STK32B: variants seen among roughly 807,000 people sequenced by gnomAD.
The protein encoded by STK32B is serine/threonine kinase 32B.
STK32B carries 43 observed loss-of-function variants against 52.6 expected under a neutral mutation model. The ratio of observed to expected loss-of-function variants is 0.82; its 90% CI spans 0.64 to 1.05. STK32B has a LOEUF of 1.05. STK32B is among the 50% of genes least tolerant of loss of function. The pLI, the probability that STK32B is intolerant of heterozygous loss-of-function variation, is 0.00. For missense variants in STK32B, 621 were observed against 534.6 expected (o/e 1.16, Z -1.59); for synonymous variants, 238 against 204.3 (o/e 1.17, Z -1.41).
At chr4:5,338,033 A>C (rs1197978023) in intron 4 of STK32B, among the ~76,000 whole-genome samples, 1 of 152,196 alleles carries the variant, frequency 6.6e-6, no homozygotes, top group African/African-American at 2.4e-5. Context: ...ATTTAGAGAT[A>C]AGGAGTTAGA....
intron 11 of STK32B, among the ~76,000 whole-genome samples, chr4:5,472,817 T>C (rs928330397): frequency 1.3e-5 from 2 of 152,222 alleles, no homozygotes; most frequent in African/African-American, 4.8e-5. Flanking sequence ...TGTATGTGAC[T>C]TTATGGTTTT....
intron 3 of STK32B, among the ~76,000 whole-genome samples, chr4:5,268,917 A>C (rs1727231598): frequency 1.3e-5 from 2 of 152,176 alleles, no homozygotes; most frequent in Admixed American, 1.3e-4. Context: ...AACAGAGGAC[A>C]GTGATCCCTG....
chr4:5,161,229 C>A (rs1441069456), intron 2 of STK32B, among the ~76,000 whole-genome samples: 1 of 152,132 alleles, frequency 6.6e-6, no homozygotes, highest in Non-Finnish European at 1.5e-5. Flanking sequence ...TTGATCCCTC[C>A]AATGAGACCA....
intron 4 of STK32B, among the ~76,000 whole-genome samples, chr4:5,334,252 A>C (rs1044142540): frequency 6.0e-5 from 9 of 151,110 alleles, no homozygotes; most frequent in African/African-American, 1.7e-4. Flanking sequence ...GTGAATGGGA[A>C]TTCACTCATG....
chr4:5,136,031 G>A (rs1023430809), intron 1 of STK32B, among the ~76,000 whole-genome samples: 1 of 152,036 alleles, frequency 6.6e-6, no homozygotes, highest in African/African-American at 2.4e-5. Flanking sequence ...AAATTCAGGA[G>A]GTGAATTCAG....
chr4:5,049,130 A>T (rs13114467), upstream of STK32B, among the ~76,000 whole-genome samples: 150,377 of 152,316 alleles, frequency 0.99, 74,272 homozygotes, highest in East Asian at 1. Flanking sequence ...TTCTTCTTCC[A>T]ACCCGGTTGA....
intron 1 of STK32B, among the ~76,000 whole-genome samples, chr4:5,106,740 A>G (rs1714130219): frequency 6.6e-6 from 1 of 152,078 alleles, no homozygotes; most frequent in African/African-American, 2.4e-5. Context: ...CTCTCTTTAA[A>G]TATTGCTTTT....
the STK32B span, among the ~76,000 whole-genome samples, chr4:5,029,450 G>T: frequency 4.6e-5 from 7 of 152,164 alleles, no homozygotes; most frequent in African/African-American, 1.7e-4. Context: ...GACAGTGGAG[G>T]GAGACACAAG....
intron 4 of STK32B, among the ~76,000 whole-genome samples, chr4:5,342,485 T>G (rs989742935): frequency 9.2e-5 from 14 of 152,096 alleles, no homozygotes; most frequent in African/African-American, 3.4e-4. Flanking sequence ...TCACTCATGG[T>G]TGGGAACTGA....
chr4:5,205,228 C>T (rs908448664), intron 3 of STK32B, among the ~76,000 whole-genome samples: 3 of 151,978 alleles, frequency 2.0e-5, no homozygotes, highest in Admixed American at 6.6e-5. Flanking sequence ...GGACTTATGT[C>T]GTTGCCTCTC....
intron 11 of STK32B, among the ~76,000 whole-genome samples, chr4:5,493,498 T>TATCA (rs1719929196): frequency 6.6e-6 from 1 of 152,224 alleles, no homozygotes. Context: ...CCTAGCAGTC[T>TATCA]ATCAATTTTG....
intron 11 of STK32B, among the ~76,000 whole-genome samples, chr4:5,474,690 C>T (rs545706583): frequency 1.3e-5 from 2 of 152,190 alleles, no homozygotes; most frequent in African/African-American, 4.8e-5. Context: ...ATAGAAAAGG[C>T]AGTTAACAGT....
intron 3 of STK32B, among the ~76,000 whole-genome samples, chr4:5,262,453 G>C (rs768341556): frequency 6.8e-6 from 1 of 146,602 alleles, no homozygotes; most frequent in Non-Finnish European, 1.5e-5. Context: ...GTGAAACCCC[G>C]TCTCTACTAA....
chr4:5,341,967 G>A (rs1733110878), intron 4 of STK32B, among the ~76,000 whole-genome samples: 1 of 152,038 alleles, frequency 6.6e-6, no homozygotes, highest in Non-Finnish European at 1.5e-5. Flanking sequence ...TTTACATTAG[G>A]TATTTCTCCT....
chr4:5,403,545 C>A (rs527408330), intron 5 of STK32B, among the ~76,000 whole-genome samples: 1 of 152,300 alleles, frequency 6.6e-6, no homozygotes, highest in South Asian at 2.1e-4. Context: ...GATCTGGTGG[C>A]CTTATTGTAC....
intron 4 of STK32B, among the ~76,000 whole-genome samples, chr4:5,389,160 C>T (rs1266058774): frequency 6.6e-6 from 1 of 152,172 alleles, no homozygotes; most frequent in African/African-American, 2.4e-5. Context: ...AAAATTGTTT[C>T]CATGCCTTCA....
chr4:5,106,073 C>T (rs185389398), intron 1 of STK32B, among the ~76,000 whole-genome samples: 1 of 151,532 alleles, frequency 6.6e-6, no homozygotes. Flanking sequence ...GAGGCCGAGG[C>T]GGGGGGATCA....
intron 4 of STK32B, among the ~76,000 whole-genome samples, chr4:5,364,684 A>C (rs572522995): frequency 2.0e-5 from 3 of 152,190 alleles, no homozygotes; most frequent in Non-Finnish European, 4.4e-5. Context: ...CTAGAATCAT[A>C]TTCAGTAGGG....
chr4:5,087,580 A>T (rs963563989), intron 1 of STK32B, among the ~76,000 whole-genome samples: 1 of 152,000 alleles, frequency 6.6e-6, no homozygotes, highest in Non-Finnish European at 1.5e-5. Flanking sequence ...ATAATTTGAT[A>T]GATAGATAGA....
Sources: allele counts gnomAD v4.1 joint callset (sites outside exome capture counted in the v4.1 genomes callset), GRCh38; gene constraint gnomAD v4.1.1; transcripts MANE v1.5; gene names NCBI Gene and HGNC (gene_info 2026-07-23, HGNC 2026-07-21).